GPC1: variants seen among roughly 807,000 people sequenced by gnomAD.
GPC1 encodes glypican-1.
In GPC1, 26 loss-of-function variants were observed where a neutral mutation model predicts 51.5. That is an observed-to-expected ratio of 0.50 (90% CI 0.37 to 0.70). The LOEUF (loss-of-function observed/expected upper bound fraction) is 0.70, where lower values mean the gene tolerates loss of function less well. GPC1 is among the 30% of genes least tolerant of loss of function. GPC1 has a pLI of 0.00. For missense variants in GPC1, 775 were observed against 800.5 expected (o/e 0.97, Z 0.38); for synonymous variants, 380 against 348.3 (o/e 1.09, Z -1.01).
In GPC1 at chr2:240,448,612, GGAGGTC is replaced by G. The variant is rs60196431; in HGVS notation, c.167-10410_167-10405del. Among the ~76,000 whole-genome samples, 50,870 of 151,624 alleles carry G rather than the reference GGAGGTC, an allele frequency of 0.34. 8,635 individuals are homozygous for G. Among genetic ancestry groups the G allele is most frequent in the Middle Eastern group, 0.39 (113 of 288 alleles). On this transcript the variant is annotated intron_variant, in intron 1 of 8. Coordinates refer to ENST00000264039, the MANE Select transcript of GPC1 (RefSeq NM_002081.3). The surrounding 1 kb of genome is among the most constrained non-coding windows in gnomAD (Gnocchi z 4.5). ...TGCTCCAGGACCCGCAGGGCCCACA[GGAGGTC>G]GAGGTCGGAGCTCACCTTTGGGGAG...
chr2:240,463,214 A>G (rs76543431), intron 3 of GPC1, 133 bp from the exon 4 acceptor site: 130,170 of 698,992 alleles, frequency 0.19, 13,088 homozygotes, highest in Non-Finnish European at 0.21. Context: ...AGCGACCACC[A>G]CGAGCTGGGG....
intron 1 of GPC1, among the ~76,000 whole-genome samples, chr2:240,441,324 G>A (rs1021048171): frequency 5.3e-5 from 8 of 152,288 alleles, no homozygotes; most frequent in Non-Finnish European, 7.3e-5. Context: ...AGACGAGCCA[G>A]GGGAGGGGCT....
At chr2:240,450,785 TCAGTACCA>T (rs2074092028) in intron 1 of GPC1, 3 of 470,258 alleles carry the variant, frequency 6.4e-6, no homozygotes, top group Non-Finnish European at 1.3e-5. Context: ...GTGCCTTTAT[TCAGTACCA>T]GGGTACCAGG....
At chr2:240,454,936 G>A in intron 1 of GPC1, 1 of 234,900 alleles carries the variant, frequency 4.3e-6, no homozygotes, top group South Asian at 4.5e-5. Context: ...CTCGCCTAAA[G>A]CTTTGGGGTG....
chr2:240,448,170 A>G lies in GPC1; in HGVS notation c.167-10860A>G, dbSNP rs575472303. Among the ~76,000 whole-genome samples, 157 of 152,228 alleles carry G rather than the reference A, an allele frequency of 1.0e-3. No homozygotes were observed. The highest frequency in any genetic ancestry group is 3.4e-3 in the Middle Eastern group (1 of 294). On this transcript the variant is annotated intron_variant, in intron 1 of 8. Coordinates refer to ENST00000264039, the MANE Select transcript of GPC1 (RefSeq NM_002081.3). The surrounding 1 kb of genome is among the most constrained non-coding windows in gnomAD (Gnocchi z 4.5). Reference sequence around the variant, plus strand: ...GGCACCGCAGGCCCTGTGGAGAGGCAGGAAGGGCAGGAGATGCTGGCCCCG... The same window carrying G: ...GGCACCGCAGGCCCTGTGGAGAGGCGGGAAGGGCAGGAGATGCTGGCCCCG...
Position 240,464,654 on chromosome 2 carries a change from T to G in GPC1, c.922T>G (p.Ser308Ala). ...VLITDKFWGTSGVESVIGSVH... is the reference protein window; with the variant it reads ...VLITDKFWGTAGVESVIGSVH... The stretch of plus-strand genomic sequence containing the variant: ...CATCACCGACAAGTTCTGGGGTACA[T>G]CGGGTGTGGAGAGTGTCATCGGCAG... Residue 308 changes from serine to alanine, a missense_variant, in exon 5 of 9, where the codon TCG becomes GCG. Ser to Ala is a moderately conservative substitution (Grantham distance 99). Coordinates refer to ENST00000264039, the MANE Select transcript of GPC1 (RefSeq NM_002081.3). 1.2e-6 allele frequency: 2 copies of G among 1,612,936 alleles called. No homozygotes were observed. The highest frequency in any genetic ancestry group is 1.7e-6 in the Non-Finnish European group (2 of 1,179,820).
intron 2 of GPC1, among the ~76,000 whole-genome samples, chr2:240,459,708 G>A (rs1165543478): frequency 2.6e-5 from 4 of 152,134 alleles, no homozygotes; most frequent in African/African-American, 9.7e-5. Context: ...TCTGGGGGCC[G>A]CGGGGAGTGA....
intron 1 of GPC1, among the ~76,000 whole-genome samples, chr2:240,441,387 C>T (rs1346580746): frequency 2.5e-5 from 3 of 122,144 alleles, no homozygotes; most frequent in African/African-American, 7.7e-5. Flanking sequence ...TCTGCCGTGC[C>T]CGGGCCAGTG....
chr2:240,462,111 C>G (rs1235280803), intron 2 of GPC1, 80 bp from the exon 3 acceptor site: 2 of 1,356,532 alleles, frequency 1.5e-6, no homozygotes, highest in African/African-American at 2.9e-5. Flanking sequence ...GCTGAGTCTC[C>G]CGGGCTGAGT....
intron 4 of GPC1, chr2:240,463,981 A>G (rs2074238622): frequency 4.7e-6 from 1 of 214,664 alleles, no homozygotes; most frequent in East Asian, 1.2e-4. Context: ...GACCCGCATC[A>G]ATGCCAACAC....
In GPC1 at chr2:240,455,947, C is replaced by G. The variant is rs997955951; in HGVS notation, c.167-3083C>G. The G allele has an allele frequency of 4.5e-5, 18 of 397,444 alleles. 1 individual carries two copies. Among genetic ancestry groups the G allele is most frequent in the South Asian group, 3.0e-4 (17 of 56,284 alleles). The allele number at this position is 397,444 out of a possible 1,614,324, so 24.6% of individuals were successfully genotyped here. On this transcript the variant is annotated intron_variant, in intron 1 of 8. Transcript: ENST00000264039. ...AGGGGGCCGCCTCGATCCAGCCTGC[C>G]CGAGGCTCCCAGGCCTTCGCCCGCC... is the stretch of plus-strand genomic sequence containing the variant.
chr2:240,464,698 G>C lies in GPC1; in HGVS notation c.966G>C (p.Ala322=), dbSNP rs201081083. The change falls in exon 5 of 9, where the codon GCG becomes GCC. Residue 322 remains alanine (A), a synonymous_variant. Transcript: ENST00000264039. ...TCGGCAGCGTGCACACGTGGCTGGCGGAGGCCATCAACGCCCTCCAGGACA... is the reference window on the plus strand; with the variant it reads ...TCGGCAGCGTGCACACGTGGCTGGCCGAGGCCATCAACGCCCTCCAGGACA... ...SVIGSVHTWL[A]EAINALQDNR... is the part of the protein sequence containing the mutation. The C allele has an allele frequency of 1.9e-6, 3 of 1,612,404 alleles. No homozygotes were observed. Among genetic ancestry groups the C allele is most frequent in the Non-Finnish European group, 2.5e-6 (3 of 1,179,662 alleles).
chr2:240,464,706 T>C lies in GPC1; in HGVS notation c.974T>C (p.Ile325Thr). Residue 325 changes from isoleucine (I) to threonine (T), a missense_variant, in exon 5 of 9, where the codon ATC (isoleucine) becomes ACC (threonine). Physicochemically the swap from Ile to Thr is moderately conservative, Grantham distance 89 (BLOSUM62 -1). Transcript: ENST00000264039. ...GTGCACACGTGGCTGGCGGAGGCCA[T>C]CAACGCCCTCCAGGACAACAGGGAC... ...GSVHTWLAEA[I>T]NALQDNRDTL... is the part of the protein sequence containing the mutation. 1.2e-6 allele frequency: 2 copies of C among 1,611,982 alleles called. No individual in the cohort carries two copies. Among genetic ancestry groups the C allele is most frequent in the Non-Finnish European group, 1.7e-6 (2 of 1,179,524 alleles).
intron 1 of GPC1, among the ~76,000 whole-genome samples, chr2:240,457,189 A>T (rs1316699029): frequency 2.0e-5 from 3 of 152,134 alleles, no homozygotes; most frequent in Non-Finnish European, 2.9e-5. Context: ...CTGCATCAGT[A>T]CATTCCAGAA....
rs770063842 is a variant in GPC1, at chr2:240,465,259, T to C, written c.1268+49T>C. On this transcript the variant is annotated intron_variant, in intron 7 of 8. Coordinates refer to ENST00000264039, the MANE Select transcript of GPC1 (RefSeq NM_002081.3). The stretch of plus-strand genomic sequence containing the variant: ...AGCCCTCCCTCCCATGCCGCCTCCA[T>C]TGGGCTGTGCCTGGGCCAGGTGCTG... 9 of 1,555,872 alleles carry C rather than the reference T, an allele frequency of 5.8e-6. No individual in the cohort carries two copies. The South Asian group carries it at 7.4e-5, about 13-fold the overall frequency.
At chr2:240,461,765 G>A (rs1474998447) in intron 2 of GPC1, among the ~76,000 whole-genome samples, 1 of 152,106 alleles carries the variant, frequency 6.6e-6, no homozygotes, top group Non-Finnish European at 1.5e-5. Context: ...GAGCACAAGT[G>A]GGGACCAGTG....
At position 240,464,203 on chromosome 2, in the gene GPC1, G is replaced by A. The variant is rs559401998; in HGVS notation, c.884-413G>A. On this transcript the variant is annotated intron_variant, in intron 4 of 8. Transcript: ENST00000264039. ...ACGCAACACACACATGAACTAAGGT[G>A]TACATGGGGGGGGCATGAGGTAAGC... is the stretch of plus-strand genomic sequence containing the variant. 159 of 262,090 alleles carry A rather than the reference G, an allele frequency of 6.1e-4. 1 individual carries two copies. The South Asian group carries it at 7.3e-3, about 12-fold the overall frequency. The allele number at this position is 262,090 out of a possible 1,614,324, so 16.2% of individuals were successfully genotyped here. A position where few individuals can be genotyped will look rare whatever the true frequency, so the allele number is the denominator to read the frequency against.
chr2:240,450,600 G>A (rs1189251271), intron 1 of GPC1: 1 of 470,674 alleles, frequency 2.1e-6, no homozygotes, highest in Non-Finnish European at 4.4e-6. Flanking sequence ...TGGGAACAAG[G>A]GAGCCCTCAC....
chr2:240,437,103 G>A (rs2073989108), intron 1 of GPC1, among the ~76,000 whole-genome samples: 1 of 152,228 alleles, frequency 6.6e-6, no homozygotes, highest in South Asian at 2.1e-4. Context: ...TCCTGCTCTG[G>A]GGGGCTCCTC....
Sources: allele counts gnomAD v4.1 joint callset (sites outside exome capture counted in the v4.1 genomes callset), GRCh38; gene constraint gnomAD v4.1.1; non-coding constraint Gnocchi (gnomAD v3.1); transcripts MANE v1.5; gene names NCBI Gene and HGNC (gene_info 2026-07-23, HGNC 2026-07-21).